HELZ: variants seen among roughly 807,000 people sequenced by gnomAD.
HELZ encodes ATP-dependent RNA helicase with zinc finger domain.
HELZ carries 23 observed loss-of-function variants against 218.2 expected under a neutral mutation model. The observed-to-expected ratio is 0.11, with a 90% CI of 0.08 to 0.15. The LOEUF (loss-of-function observed/expected upper bound fraction) is 0.15, where lower values mean the gene tolerates loss of function less well. Ranked by LOEUF, HELZ falls within the 10% of genes least tolerant of loss-of-function variation. The pLI is 1.00. For synonymous variants in HELZ, 814 were observed against 829.4 expected (o/e 0.98, Z 0.32); for missense variants, 1,813 against 2,353.7 (o/e 0.77, Z 4.75).
intron 23 of HELZ, among the ~76,000 whole-genome samples, chr17:67,132,718 G>A (rs1055002097): frequency 6.6e-6 from 1 of 151,986 alleles, no homozygotes; most frequent in African/African-American, 2.4e-5. Context: ...GTGAGAGAGG[G>A]GGAGGATCTT....
intron 17 of HELZ, among the ~76,000 whole-genome samples, chr17:67,157,839 A>AT (rs1365000680): frequency 6.6e-6 from 1 of 152,116 alleles, no homozygotes; most frequent in South Asian, 2.1e-4. Context: ...TAAAACAACA[A>AT]TTACCTTCCA....
At chr17:67,146,586 A>C (rs923397679) in intron 20 of HELZ, among the ~76,000 whole-genome samples, 2 of 152,242 alleles carry the variant, frequency 1.3e-5, no homozygotes, top group Non-Finnish European at 2.9e-5. Flanking sequence ...AGACATACAG[A>C]TGCTGGAACA....
At chr17:67,085,643 C>T (rs1397323660) in intron 32 of HELZ, among the ~76,000 whole-genome samples, 2 of 151,762 alleles carry the variant, frequency 1.3e-5, no homozygotes, top group Non-Finnish European at 2.9e-5. Context: ...ACAGAAACAA[C>T]AGATTCACAT....
rs771001419 is a variant in HELZ, at chr17:67,137,947, C to A, written c.2937G>T (p.Arg979Ser). 1.9e-6 allele frequency: 3 copies of A among 1,610,422 alleles called. No homozygotes were observed. The highest frequency in any genetic ancestry group is 2.5e-6 in the Non-Finnish European group (3 of 1,177,850). Residue 979 changes from arginine to serine, a missense_variant, in exon 22 of 33, where the codon AGG becomes AGT. By Grantham distance (110) the Arg-to-Ser change is moderately radical (BLOSUM62 -1). This residue lies in a region of HELZ where 156 missense variants were observed against 274.4 expected (regional missense o/e 0.57). Coordinates refer to ENST00000358691, the MANE Select transcript of HELZ (RefSeq NM_014877.4). ...GACACTTACCTTGAACATTTAGCACCCTTTCTACATTAACATCAGATAATC... is the reference window on the plus strand; with the variant it reads ...GACACTTACCTTGAACATTTAGCACACTTTCTACATTAACATCAGATAATC... ...KKRLSDVNVE[R>S]VLNVQGKQFR...
At chr17:67,123,298 G>A in intron 25 of HELZ, 138 bp from the exon 26 acceptor site, 1 of 494,308 alleles carries the variant, frequency 2.0e-6, no homozygotes, top group Non-Finnish European at 3.3e-6. Context: ...TATCAGTGTG[G>A]AAAAGTAAAG....
intron 31 of HELZ, among the ~76,000 whole-genome samples, chr17:67,094,306 AG>A (rs1247642194): frequency 1.3e-5 from 2 of 149,602 alleles, no homozygotes; most frequent in Admixed American, 1.3e-4. Flanking sequence ...TGGGTGACAG[AG>A]GGAGACCTGG....
chr17:67,234,094 T>C lies in HELZ; in HGVS notation c.-19+5339A>G, dbSNP rs888701631. Reference sequence around the variant, plus strand: ...GAGAGAGAACTTTGGGAGGCCAAGGTAGGTGGATGGCTTGAGCTCAGGAGT... The same window carrying C: ...GAGAGAGAACTTTGGGAGGCCAAGGCAGGTGGATGGCTTGAGCTCAGGAGT... On this transcript the variant is annotated intron_variant, in intron 3 of 32. Coordinates refer to ENST00000358691, the MANE Select transcript of HELZ (RefSeq NM_014877.4). 2.2e-5 allele frequency among the ~76,000 whole-genome samples: 3 copies of C among 137,144 alleles called. No homozygotes were observed. The East Asian group carries it at 6.6e-4, about 30-fold the overall frequency. 90.0% of individuals were successfully genotyped at this position (137,144 alleles called of 152,430 possible).
chr17:67,241,423 A>G (rs1236553411), intron 2 of HELZ, among the ~76,000 whole-genome samples: 1 of 152,208 alleles, frequency 6.6e-6, no homozygotes, highest in East Asian at 1.9e-4. Context: ...ATTAATGCCA[A>G]GCCTACTGCT....
At chr17:67,146,185 A>T (rs1268793973) in intron 20 of HELZ, among the ~76,000 whole-genome samples, 1 of 152,152 alleles carries the variant, frequency 6.6e-6, no homozygotes, top group Non-Finnish European at 1.5e-5. Context: ...TAGCCTGTAT[A>T]TTTCCTTGGT....
intron 31 of HELZ, among the ~76,000 whole-genome samples, chr17:67,100,590 C>G (rs1446318804): frequency 1.3e-5 from 2 of 152,096 alleles, no homozygotes; most frequent in Non-Finnish European, 2.9e-5. Context: ...CAAAAGCTTT[C>G]CTTTGCACCA....
intron 3 of HELZ, among the ~76,000 whole-genome samples, chr17:67,221,986 T>C (rs2040759280): frequency 6.6e-6 from 1 of 152,046 alleles, no homozygotes; most frequent in African/African-American, 2.4e-5. Context: ...TACAAGTGCA[T>C]GCCACCACAA....
Position 67,109,266 on chromosome 17 carries a change from C to T in HELZ, c.4339G>A (p.Ala1447Thr). The change falls in exon 29 of 33, where the codon GCT becomes ACT. Residue 1447 changes from alanine (A) to threonine (T), a missense_variant. Coordinates refer to ENST00000358691, the MANE Select transcript of HELZ (RefSeq NM_014877.4). ...AHRPQSPPAE[A>T]VIPEQQPPPM... is the part of the protein sequence containing the mutation. ...GGGGGCTGCTGCTCCGGAATTACAGCTTCTGCAGGAGGAGACTGTGGCCGA... is the reference window on the plus strand; with the variant it reads ...GGGGGCTGCTGCTCCGGAATTACAGTTTCTGCAGGAGGAGACTGTGGCCGA... 1 of 1,614,120 alleles carries T rather than the reference C, an allele frequency of 6.2e-7. No individual in the cohort carries two copies. Among genetic ancestry groups the T allele is most frequent in the South Asian group, 1.1e-5 (1 of 91,086 alleles).
intron 13 of HELZ, chr17:67,176,590 C>A (rs957710249): frequency 1.3e-5 from 2 of 152,272 alleles, no homozygotes; most frequent in African/African-American, 4.8e-5. Flanking sequence ...AATCCCAGCA[C>A]CTTGGGAGGC....
chr17:67,138,895 A>G (rs1171226944), intron 21 of HELZ, among the ~76,000 whole-genome samples: 2 of 152,182 alleles, frequency 1.3e-5, no homozygotes, highest in Non-Finnish European at 2.9e-5. Flanking sequence ...TACAAAAGTT[A>G]ATAAAACATG....
In HELZ at chr17:67,167,573, C is replaced by T. The variant is rs542953469; in HGVS notation, c.1654G>A (p.Glu552Lys). ...QKLVQTQGTK[E>K]KVYEATIEEK... is the part of the protein sequence containing the mutation. Reference sequence around the variant, plus strand: ...TCAATAGTAGCTTCATAAACCTTCTCTTTGGTTCCCTGGGTCTGTACTAAC... The same window carrying T: ...TCAATAGTAGCTTCATAAACCTTCTTTTTGGTTCCCTGGGTCTGTACTAAC... The change falls in exon 14 of 33, where the codon GAG becomes AAG. Residue 552 changes from glutamate (E) to lysine (K), a missense_variant. Physicochemically the swap from Glu to Lys is moderately conservative, Grantham distance 56. This residue lies in a region of HELZ where 714 missense variants were observed against 1,029.2 expected (regional missense o/e 0.69). Transcript: ENST00000358691. 6.2e-7 allele frequency: 1 copy of T among 1,613,926 alleles called. No homozygotes were observed. Among genetic ancestry groups the T allele is most frequent in the South Asian group, 1.1e-5 (1 of 91,074 alleles).
chr17:67,136,730 G>A (rs1371676279), intron 22 of HELZ, among the ~76,000 whole-genome samples: 1 of 152,114 alleles, frequency 6.6e-6, no homozygotes, highest in Non-Finnish European at 1.5e-5. Context: ...ATTTATATGA[G>A]GTAGCTAGAA....
rs1202035048 is a variant in HELZ at position 67,188,918 on chromosome 17, T to G, written c.865-302A>C. On this transcript the variant is annotated intron_variant, in intron 11 of 32. Coordinates refer to ENST00000358691, the MANE Select transcript of HELZ (RefSeq NM_014877.4). The surrounding 1 kb of genome is among the most constrained non-coding windows in gnomAD (Gnocchi z 4.1). ...TTTCCATACTCTTCACCTACAGAAGTTTCATGTAGCCTCAAGTAGGAAGCC... is the reference window on the plus strand; with the variant it reads ...TTTCCATACTCTTCACCTACAGAAGGTTCATGTAGCCTCAAGTAGGAAGCC... 6.6e-6 allele frequency among the ~76,000 whole-genome samples: 1 copy of G among 152,120 alleles called. No individual in the cohort carries two copies. Among genetic ancestry groups the G allele is most frequent in the African/African-American group, 2.4e-5 (1 of 41,450 alleles).
At chr17:67,089,694 G>GACAGAGAGAGAC (rs1555595479) in intron 31 of HELZ, among the ~76,000 whole-genome samples, 1 of 100,696 alleles carries the variant, frequency 9.9e-6, no homozygotes, top group East Asian at 4.5e-4. Flanking sequence ...GAGAGAGAGA[G>GACAGAGAGAGAC]AGAGAGACAG....
In HELZ at chr17:67,166,546, C is replaced by T. The variant is rs375971824; in HGVS notation, c.1827G>A (p.Arg609=). The part of the protein sequence containing the change: ...PLCEMHYALD[R]IKDNGVLFPD... ...GAAACAAAACCCCATTGTCCTTGAT[C>T]CTGTCTAGTGCATAGTGCATTTCAC... Residue 609 remains arginine, a synonymous_variant, in exon 15 of 33, where the codon AGG becomes AGA. Transcript: ENST00000358691. The T allele has an allele frequency of 7.0e-5, 113 of 1,612,700 alleles. No homozygotes were observed. The highest frequency in any genetic ancestry group is 9.5e-5 in the Non-Finnish European group (112 of 1,178,934).
Sources: gnomAD v4.1 joint callset for allele counts (sites outside exome capture counted in the v4.1 genomes callset) on GRCh38, gnomAD v4.1.1 for gene constraint, gnomAD v4.1.1 regional missense constraint, Gnocchi (gnomAD v3.1) non-coding constraint, MANE v1.5 for transcripts, NCBI Gene and HGNC (gene_info 2026-07-23, HGNC 2026-07-21) for gene names.